APBA1: variants seen among roughly 807,000 people sequenced by gnomAD.
APBA1 encodes amyloid beta precursor protein binding family A member 1.
APBA1 carries 55 observed loss-of-function variants against 86.6 expected under a neutral mutation model. The ratio of observed to expected loss-of-function variants is 0.64; its 90% CI spans 0.51 to 0.80. The LOEUF (loss-of-function observed/expected upper bound fraction) is 0.80. Among genes scored for constraint, APBA1 ranks in the 30% least tolerant of loss-of-function variants. APBA1 has a pLI of 0.00. For synonymous variants in APBA1, 511 were observed against 493.9 expected, an observed-to-expected ratio of 1.03 and a Z score of -0.46; for missense variants, 1,090 against 1,183.0, an observed-to-expected ratio of 0.92 and a Z score of 1.15.
intron 1 of APBA1, among the ~76,000 whole-genome samples, chr9:69,563,385 T>C (rs1836976976): frequency 6.6e-6 from 1 of 152,226 alleles, no homozygotes; most frequent in South Asian, 2.1e-4. Context: ...TCTTCCGAAA[T>C]GACTACAAAT....
rs1282096068 is a variant in APBA1, at chr9:69,467,873, AAGG to A, written c.1429_1431del (p.Pro477del). The A allele has an allele frequency of 4.3e-6, 7 of 1,613,920 alleles. No individual in the cohort carries two copies. The highest frequency in any genetic ancestry group is 5.9e-6 in the Non-Finnish European group (7 of 1,180,002). ...GCCTGCATCATGCGCACGTTTTTGG[AAGG>A]AGTTTTGTCTGAGAGCAGCTGAGTG... On this transcript the variant is annotated inframe_deletion, in exon 5 of 13. Coordinates refer to ENST00000265381, the MANE Select transcript of APBA1 (RefSeq NM_001163.4).
chr9:69,576,091 A>G (rs1192421778), intron 1 of APBA1, among the ~76,000 whole-genome samples: 1 of 152,242 alleles, frequency 6.6e-6, no homozygotes, highest in Non-Finnish European at 1.5e-5. Context: ...TATGCAGCCA[A>G]AAGACACATG....
chr9:69,455,413 G>C (rs534557821), intron 8 of APBA1, among the ~76,000 whole-genome samples: 2 of 152,084 alleles, frequency 1.3e-5, no homozygotes, highest in Non-Finnish European at 2.9e-5. Context: ...GGGAGCACCT[G>C]GGAGCAGCTT....
chr9:69,565,837 G>T (rs1323676956), intron 1 of APBA1, among the ~76,000 whole-genome samples: 3 of 152,134 alleles, frequency 2.0e-5, no homozygotes, highest in Non-Finnish European at 4.4e-5. Flanking sequence ...AGAATATTCT[G>T]CACTCTGCAG....
intron 1 of APBA1, among the ~76,000 whole-genome samples, chr9:69,541,833 TAAAAGTAATTTATTAAAATTC>T (rs1222205123): frequency 6.6e-6 from 1 of 152,092 alleles, no homozygotes; most frequent in East Asian, 1.9e-4. Flanking sequence ...ATTAAAACTT[TAAAAGTAATTTATTAAAATTC>T]AAAAGTAATT....
At chr9:69,443,116 G>A (rs942977232) in intron 10 of APBA1, among the ~76,000 whole-genome samples, 3 of 152,108 alleles carry the variant, frequency 2.0e-5, no homozygotes, top group Non-Finnish European at 4.4e-5. Context: ...GTACACCAAT[G>A]GCTCTTAAAC....
rs1391390960 is a variant in APBA1 at position 69,427,786 on chromosome 9, T to C, written c.*3541A>G. 6.6e-6 allele frequency: 1 copy of C among 151,972 alleles called. No individual in the cohort carries two copies. Among genetic ancestry groups the C allele is most frequent in the African/African-American group, 2.4e-5 (1 of 41,382 alleles). 9.4% of individuals were successfully genotyped at this position (151,972 alleles called of 1,614,324 possible). ...TTATTTATATATTTATTTATATTTATATATAGATCATTGAGTTTTGTGTAT... is the reference window on the plus strand; with the variant it reads ...TTATTTATATATTTATTTATATTTACATATAGATCATTGAGTTTTGTGTAT... On this transcript the variant is annotated 3_prime_UTR_variant, in exon 13 of 13. Transcript: ENST00000265381.
chr9:69,511,450 T>C (rs1393380946), intron 2 of APBA1, among the ~76,000 whole-genome samples: 15 of 152,114 alleles, frequency 9.9e-5, no homozygotes, highest in South Asian at 2.1e-4. Context: ...TGTGGAGAAA[T>C]AGGAACACTT....
intron 1 of APBA1, among the ~76,000 whole-genome samples, chr9:69,563,905 A>AATTTTC (rs1418366699): frequency 3.9e-5 from 6 of 152,312 alleles, no homozygotes; most frequent in Admixed American, 2.0e-4. Flanking sequence ...ACCCACTTTG[A>AATTTTC]AAACAGTGCA....
chr9:69,601,179 C>T (rs1822343725), intron 1 of APBA1, among the ~76,000 whole-genome samples: 2 of 152,286 alleles, frequency 1.3e-5, no homozygotes. Flanking sequence ...GTTTCAAACA[C>T]AAGAAGTTAA....
At chr9:69,444,340 TCCCATCGTC>T (rs1834873817) in intron 10 of APBA1, among the ~76,000 whole-genome samples, 1 of 152,180 alleles carries the variant, frequency 6.6e-6, no homozygotes, top group African/African-American at 2.4e-5. Flanking sequence ...ATGCGGCAGA[TCCCATCGTC>T]CCCATCGACA....
intron 1 of APBA1, among the ~76,000 whole-genome samples, chr9:69,644,068 A>G (rs1823344899): frequency 6.6e-6 from 1 of 151,912 alleles, no homozygotes; most frequent in South Asian, 2.1e-4. Flanking sequence ...CCGATGTCAC[A>G]CTCTTTGCCA....
chr9:69,610,448 C>T (rs1190850279), intron 1 of APBA1, among the ~76,000 whole-genome samples: 1 of 152,082 alleles, frequency 6.6e-6, no homozygotes, highest in Non-Finnish European at 1.5e-5. Flanking sequence ...TTCTAGGTTC[C>T]ACAGAATTTA....
At chr9:69,655,874 A>C (rs898177351) in intron 1 of APBA1, among the ~76,000 whole-genome samples, 2 of 152,208 alleles carry the variant, frequency 1.3e-5, no homozygotes, top group Non-Finnish European at 2.9e-5. Flanking sequence ...TATATATTTT[A>C]AGATAAGTAG....
intron 1 of APBA1, among the ~76,000 whole-genome samples, chr9:69,608,022 A>G (rs1287261273): frequency 6.6e-6 from 1 of 152,256 alleles, no homozygotes; most frequent in East Asian, 1.9e-4. Context: ...AGCGCTAACA[A>G]GGTGGCACAG....
intron 1 of APBA1, among the ~76,000 whole-genome samples, chr9:69,522,101 T>C (rs1437887879): frequency 2.0e-5 from 3 of 149,252 alleles, no homozygotes. Context: ...ATAAATTATA[T>C]ATATATATAT....
intron 1 of APBA1, among the ~76,000 whole-genome samples, chr9:69,574,969 C>T (rs1821757261): frequency 6.6e-6 from 1 of 152,120 alleles, no homozygotes; most frequent in Non-Finnish European, 1.5e-5. Flanking sequence ...GGCTGGAGTG[C>T]AGTGGTGCAA....
intron 9 of APBA1, 84 bp downstream of exon 9, chr9:69,452,038 T>C: frequency 1.5e-6 from 2 of 1,328,824 alleles, no homozygotes; most frequent in South Asian, 2.6e-5. Flanking sequence ...TTGATCTCCC[T>C]TCACTTCCGC....
At position 69,430,342 on chromosome 9, in the gene APBA1, A is replaced by G. The variant is rs1834567516; in HGVS notation, c.*985T>C. The G allele has an allele frequency of 6.6e-6, 1 of 152,282 alleles. No individual in the cohort carries two copies. Among genetic ancestry groups the G allele is most frequent in the Non-Finnish European group, 1.5e-5 (1 of 68,124 alleles). The allele number at this position is 152,282 out of a possible 1,614,324, so 9.4% of individuals were successfully genotyped here. A position where few individuals can be genotyped will look rare whatever the true frequency, so the allele number is the denominator to read the frequency against. ...GTCCAGGAGGAGGATGCTTTAAGCC[A>G]AAGTGGTGCTGGAGGGGCTGGGCCT... is the stretch of plus-strand genomic sequence containing the variant. On this transcript the variant is annotated 3_prime_UTR_variant, in exon 13 of 13. Coordinates refer to ENST00000265381, the MANE Select transcript of APBA1 (RefSeq NM_001163.4).
Sources: gnomAD v4.1 joint callset for allele counts (sites outside exome capture counted in the v4.1 genomes callset) on GRCh38, gnomAD v4.1.1 for gene constraint, MANE v1.5 for transcripts, NCBI Gene and HGNC (gene_info 2026-07-23, HGNC 2026-07-21) for gene names.